CCSER1: variants seen among roughly 807,000 people sequenced by gnomAD.
CCSER1 encodes the protein coiled-coil serine rich protein 1.
Under a neutral mutation model 82.0 loss-of-function variants are expected in CCSER1, and 41 were observed. The ratio of observed to expected loss-of-function variants is 0.50; its 90% CI spans 0.39 to 0.65. The LOEUF is 0.65. CCSER1 is among the 30% of genes least tolerant of loss of function. The pLI is 0.00. For synonymous variants in CCSER1, 414 were observed against 383.9 expected (o/e 1.08, Z -0.92); for missense variants, 1,119 against 1,064.2 (o/e 1.05, Z -0.72).
chr4:90,626,342 C>T (rs970941114), intron 5 of CCSER1, among the ~76,000 whole-genome samples: 7 of 152,084 alleles, frequency 4.6e-5, no homozygotes, highest in African/African-American at 1.7e-4. Context: ...TAAAGTACTA[C>T]TCTAATTTAA....
At chr4:91,330,488 A>G (rs1401072878) in intron 10 of CCSER1, among the ~76,000 whole-genome samples, 1 of 102,496 alleles carries the variant, frequency 9.8e-6, no homozygotes, top group Admixed American at 1.0e-4. Context: ...ACTAACAGTA[A>G]TTTCTCTTAT....
At chr4:90,493,554 C>A (rs1210775903) in intron 5 of CCSER1, among the ~76,000 whole-genome samples, 2 of 152,204 alleles carry the variant, frequency 1.3e-5, no homozygotes, top group Non-Finnish European at 2.9e-5. Flanking sequence ...ATCAGACTAA[C>A]AGCTGATCTC....
At chr4:90,173,730 T>C (rs1732167226) in intron 1 of CCSER1, among the ~76,000 whole-genome samples, 1 of 151,960 alleles carries the variant, frequency 6.6e-6, no homozygotes, top group African/African-American at 2.4e-5. Flanking sequence ...GGGTTAAAAG[T>C]GAAGAATAAG....
chr4:90,441,028 A>T (rs1759804917), intron 4 of CCSER1, among the ~76,000 whole-genome samples: 1 of 152,200 alleles, frequency 6.6e-6, no homozygotes, highest in Non-Finnish European at 1.5e-5. Context: ...GGGACGAGGG[A>T]AGACAAACAA....
chr4:90,299,158 A>C, intron 1 of CCSER1, among the ~76,000 whole-genome samples: 1 of 152,078 alleles, frequency 6.6e-6, no homozygotes. Context: ...CTGCTAGAAT[A>C]ATTTCTTTCA....
At chr4:90,464,429 T>A (rs1426258191) in intron 4 of CCSER1, among the ~76,000 whole-genome samples, 1 of 152,242 alleles carries the variant, frequency 6.6e-6, no homozygotes, top group Non-Finnish European at 1.5e-5. Context: ...TGGTTGCTGA[T>A]AAATGACTTC....
At chr4:91,422,282 T>C (rs1753720870) in intron 10 of CCSER1, among the ~76,000 whole-genome samples, 1 of 152,254 alleles carries the variant, frequency 6.6e-6, no homozygotes, top group Middle Eastern at 3.4e-3. Flanking sequence ...CTCCTCCCTT[T>C]GCCTTTACAT....
intron 7 of CCSER1, among the ~76,000 whole-genome samples, chr4:90,778,394 A>G (rs1197133774): frequency 1.3e-5 from 2 of 152,284 alleles, no homozygotes; most frequent in Middle Eastern, 3.4e-3. Flanking sequence ...TAGAATGTGC[A>G]TGAGTGCATG....
intron 10 of CCSER1, among the ~76,000 whole-genome samples, chr4:91,388,705 C>T (rs1751462676): frequency 2.0e-5 from 3 of 152,052 alleles, no homozygotes; most frequent in African/African-American, 7.2e-5. Flanking sequence ...TTTATTTCTT[C>T]CTTCCTAACC....
intron 10 of CCSER1, among the ~76,000 whole-genome samples, chr4:91,113,353 G>C (rs1433544704): frequency 6.6e-6 from 1 of 152,178 alleles, no homozygotes; most frequent in Non-Finnish European, 1.5e-5. Context: ...TCTCAATCAA[G>C]AACAACTAAC....
intron 10 of CCSER1, among the ~76,000 whole-genome samples, chr4:91,172,799 G>A (rs777750676): frequency 2.7e-5 from 4 of 149,986 alleles, no homozygotes; most frequent in African/African-American, 9.8e-5. Context: ...TGGGCTTAAT[G>A]CAATCTAACA....
At chr4:91,209,171 G>A (rs1360487584) in intron 10 of CCSER1, among the ~76,000 whole-genome samples, 1 of 151,912 alleles carries the variant, frequency 6.6e-6, no homozygotes, top group African/African-American at 2.4e-5. Context: ...GTGACAGTTT[G>A]ACTTTCTTTA....
chr4:91,275,942 T>C (rs2149192517), intron 10 of CCSER1, among the ~76,000 whole-genome samples: 1 of 152,258 alleles, frequency 6.6e-6, no homozygotes. Flanking sequence ...ATTTTTTTGG[T>C]GTTTTTGTCA....
At chr4:90,353,715 A>C (rs1427613976) in intron 3 of CCSER1, among the ~76,000 whole-genome samples, 1 of 152,186 alleles carries the variant, frequency 6.6e-6, no homozygotes, top group African/African-American at 2.4e-5. Context: ...TTCTGAAAAC[A>C]CAAGACAATA....
intron 10 of CCSER1, among the ~76,000 whole-genome samples, chr4:91,217,614 G>A (rs1737356775): frequency 1.3e-5 from 2 of 152,188 alleles, no homozygotes; most frequent in South Asian, 4.1e-4. Context: ...AGAGCAGCTA[G>A]ATACAGAGTG....
intron 10 of CCSER1, among the ~76,000 whole-genome samples, chr4:91,374,777 C>G (rs1439414246): frequency 2.0e-5 from 3 of 152,176 alleles, no homozygotes; most frequent in Non-Finnish European, 2.9e-5. Flanking sequence ...GGGTGAATCT[C>G]TTGAGGTCAG....
At chr4:91,111,951 C>A (rs1429759244) in intron 10 of CCSER1, among the ~76,000 whole-genome samples, 7 of 151,332 alleles carry the variant, frequency 4.6e-5, no homozygotes, top group South Asian at 2.1e-4. Context: ...TTCTTTCTAA[C>A]CTTGGAAGGG....
intron 5 of CCSER1, among the ~76,000 whole-genome samples, chr4:90,592,988 A>G (rs1259500921): frequency 6.6e-6 from 1 of 152,144 alleles, no homozygotes; most frequent in Non-Finnish European, 1.5e-5. Flanking sequence ...CATTTGCACA[A>G]AATAATTGTA....
chr4:91,324,412 A>G (rs1449400270), intron 10 of CCSER1, among the ~76,000 whole-genome samples: 1 of 152,192 alleles, frequency 6.6e-6, no homozygotes, highest in East Asian at 1.9e-4. Flanking sequence ...TCAACGTGCA[A>G]TACATTTGTT....
Sources: allele counts gnomAD v4.1 joint callset (sites outside exome capture counted in the v4.1 genomes callset), GRCh38; gene constraint gnomAD v4.1.1; transcripts MANE v1.5; gene names NCBI Gene and HGNC (gene_info 2026-07-23, HGNC 2026-07-21).